Variants in PSMD11 observed in about 807,000 individuals in gnomAD.
PSMD11 encodes 26S proteasome non-ATPase regulatory subunit 11.
In PSMD11, 5 loss-of-function variants were observed where a neutral mutation model predicts 62.3. The observed-to-expected ratio is 0.08, with a 90% CI of 0.04 to 0.17. The LOEUF is 0.17. Ranked by LOEUF, PSMD11 falls within the 10% of genes least tolerant of loss-of-function variation. The pLI is 1.00. For synonymous variants in PSMD11, 191 were observed against 191.8 expected (o/e 1.00, Z 0.03); for missense variants, 310 against 512.9 (o/e 0.60, Z 3.82).
At chr17:32,478,658 A>T in intron 9 of PSMD11, among the ~76,000 whole-genome samples, 1 of 152,256 alleles carries the variant, frequency 6.6e-6, no homozygotes. Flanking sequence ...GATGGTCCTC[A>T]TAAAACTCCC....
intron 3 of PSMD11, among the ~76,000 whole-genome samples, chr17:32,455,324 T>C (rs377455357): frequency 6.6e-6 from 1 of 152,244 alleles, no homozygotes; most frequent in African/African-American, 2.4e-5. Context: ...TCAGTACTCA[T>C]TGAGTGCCTG....
intron 3 of PSMD11, among the ~76,000 whole-genome samples, chr17:32,462,977 T>C (rs1037702935): frequency 3.9e-5 from 6 of 152,214 alleles, no homozygotes; most frequent in Non-Finnish European, 7.4e-5. Flanking sequence ...CATGAGCCAC[T>C]GCGCCTGGCC....
chr17:32,466,675 T>C (rs1000529302), intron 5 of PSMD11, among the ~76,000 whole-genome samples: 2 of 152,240 alleles, frequency 1.3e-5, no homozygotes, highest in Non-Finnish European at 2.9e-5. Context: ...AGTGGAATTA[T>C]ACTGTGTCAT....
intron 3 of PSMD11, among the ~76,000 whole-genome samples, chr17:32,458,116 C>T (rs901868421): frequency 1.3e-5 from 2 of 152,122 alleles, no homozygotes; most frequent in Non-Finnish European, 2.9e-5. Context: ...CTCTTTACAA[C>T]TACCATCTAG....
chr17:32,471,875 GGT>G (rs1491364460), intron 6 of PSMD11, among the ~76,000 whole-genome samples: 1 of 151,634 alleles, frequency 6.6e-6, no homozygotes, highest in African/African-American at 2.4e-5. Flanking sequence ...ACTTTGGGCA[GGT>G]TTTTTTTTTT....
chr17:32,480,422 G>A, intron 12 of PSMD11, 67 bp from the exon 13 acceptor site: 2 of 1,584,820 alleles, frequency 1.3e-6, no homozygotes, highest in Non-Finnish European at 1.7e-6. Context: ...TAGGGAGTGG[G>A]CTGCTTCACA....
In PSMD11 at chr17:32,468,991, T is replaced by G; in HGVS notation, c.449-8T>G. ...GGCTATAAAGGAGAATGTCTTTTCC[T>G]TTTTCAGGTTCTCAGCTGCTGCGGG... On this transcript the variant is annotated splice_polypyrimidine_tract_variant and splice_region_variant and intron_variant, in intron 5 of 13. Transcript: ENST00000261712. 1 of 1,611,766 alleles carries G rather than the reference T, an allele frequency of 6.2e-7. No homozygotes were observed. Among genetic ancestry groups the G allele is most frequent in the South Asian group, 1.1e-5 (1 of 90,834 alleles).
intron 5 of PSMD11, among the ~76,000 whole-genome samples, chr17:32,464,830 A>G (rs1907948346): frequency 6.6e-6 from 1 of 152,222 alleles, no homozygotes; most frequent in Admixed American, 6.5e-5. Context: ...GAGCAGTAAA[A>G]TCAATTCCAT....
chr17:32,475,747 C>T (rs1039696963), intron 8 of PSMD11, among the ~76,000 whole-genome samples: 12 of 151,866 alleles, frequency 7.9e-5, no homozygotes, highest in African/African-American at 2.7e-4. Context: ...TACAGGCATC[C>T]GCCACTATGC....
chr17:32,453,738 T>C (rs749954982), intron 2 of PSMD11, among the ~76,000 whole-genome samples: 8 of 152,208 alleles, frequency 5.3e-5, no homozygotes, highest in Non-Finnish European at 1.0e-4. Context: ...ATTTTTACTA[T>C]TTGACAAGCA....
In PSMD11 at chr17:32,477,590, A is replaced by G; in HGVS notation, c.912+7A>G. ...ACTGGCAGATTTTGAAAAGGTGAGT[A>G]TGATATTGGGTTGGTATGGAATGTG... On this transcript the variant is annotated splice_region_variant and intron_variant, in intron 9 of 13. Coordinates refer to ENST00000261712, the MANE Select transcript of PSMD11 (RefSeq NM_002815.4). The G allele has an allele frequency of 5.0e-6, 8 of 1,604,836 alleles. No homozygotes were observed. Among genetic ancestry groups the G allele is most frequent in the Non-Finnish European group, 6.8e-6 (8 of 1,172,172 alleles).
intron 5 of PSMD11, among the ~76,000 whole-genome samples, chr17:32,465,264 G>A (rs1208144249): frequency 1.3e-5 from 2 of 152,202 alleles, no homozygotes; most frequent in East Asian, 3.9e-4. Flanking sequence ...GGGACTGCAG[G>A]CATGTGCCTG....
intron 8 of PSMD11, among the ~76,000 whole-genome samples, chr17:32,476,130 AGTGCATTG>A (rs1908314549): frequency 6.6e-6 from 1 of 151,878 alleles, no homozygotes; most frequent in African/African-American, 2.4e-5. Context: ...CGGGCATGGT[AGTGCATTG>A]GTGGCTGTAA....
At chr17:32,465,096 AATCT>A (rs934381504) in intron 5 of PSMD11, among the ~76,000 whole-genome samples, 5 of 148,802 alleles carry the variant, frequency 3.4e-5, no homozygotes, top group Non-Finnish European at 4.5e-5. Flanking sequence ...TTTTTTTTTT[AATCT>A]ATCTATCTAT....
At chr17:32,450,463 C>A (rs57817049) in intron 2 of PSMD11, among the ~76,000 whole-genome samples, 1,879 of 140,012 alleles carry the variant, frequency 0.013, 32 homozygotes, top group African/African-American at 0.048. Flanking sequence ...GACGAGGTTT[C>A]ACCATGTTGG....
Position 32,454,982 on chromosome 17 carries a change from T to C in PSMD11, c.318+363T>C, listed in dbSNP as rs1294974841. ...ACTAATTAAGTCTTGTGGTATTCCT[T>C]CTTAGCATGTTTTGTACTGCATATA... is the stretch of plus-strand genomic sequence containing the variant. On this transcript the variant is annotated intron_variant, in intron 3 of 13. Transcript: ENST00000261712. The C allele has an allele frequency of 2.8e-5, 6 of 211,488 alleles. No individual in the cohort carries two copies. The East Asian group carries it at 8.4e-4, about 30-fold the overall frequency. 13.1% of individuals were successfully genotyped at this position (211,488 alleles called of 1,614,324 possible).
chr17:32,449,437 A>G (rs1388769670), intron 2 of PSMD11, among the ~76,000 whole-genome samples: 1 of 152,132 alleles, frequency 6.6e-6, no homozygotes, highest in Non-Finnish European at 1.5e-5. Flanking sequence ...GAAATATCCA[A>G]ATTTCTACTT....
At chr17:32,467,890 C>T (rs548002268) in intron 5 of PSMD11, among the ~76,000 whole-genome samples, 2 of 152,058 alleles carry the variant, frequency 1.3e-5, no homozygotes, top group Non-Finnish European at 2.9e-5. Context: ...GTTTGTTGTT[C>T]AGATTTTTTG....
intron 3 of PSMD11, among the ~76,000 whole-genome samples, chr17:32,455,279 G>A (rs1245673279): frequency 2.0e-5 from 3 of 152,218 alleles, no homozygotes; most frequent in Admixed American, 1.3e-4. Context: ...TTTGTAGGAA[G>A]AATATAGTTG....
Sources: gnomAD v4.1 joint callset for allele counts (sites outside exome capture counted in the v4.1 genomes callset) on GRCh38, gnomAD v4.1.1 for gene constraint, MANE v1.5 for transcripts, NCBI Gene and HGNC (gene_info 2026-07-23, HGNC 2026-07-21) for gene names.